TCERG1: variants seen among roughly 807,000 people sequenced by gnomAD.
TCERG1 encodes the protein transcription elongation regulator 1.
A neutral mutation model predicts 144.7 loss-of-function variants in TCERG1; 37 were observed. The ratio of observed to expected loss-of-function variants is 0.26; its 90% CI spans 0.20 to 0.34. The LOEUF is 0.34. Ranked by LOEUF, TCERG1 falls within the 10% of genes least tolerant of loss-of-function variation. The probability of loss-of-function intolerance (pLI) is 1.00; values close to 1 mark genes in which losing one functional copy is unlikely to be tolerated. For synonymous variants in TCERG1, 492 were observed against 458.2 expected (o/e 1.07, Z -0.94); for missense variants, 1,027 against 1,380.7 (o/e 0.74, Z 4.06).
At chr5:146,462,419 GAATA>G (rs1353639723) in intron 4 of TCERG1, among the ~76,000 whole-genome samples, 2 of 152,136 alleles carry the variant, frequency 1.3e-5, no homozygotes, top group African/African-American at 4.8e-5. Flanking sequence ...GATGGGTTAT[GAATA>G]AATAACAAAA....
At chr5:146,477,613 CTG>C (rs1764957591) in intron 9 of TCERG1, among the ~76,000 whole-genome samples, 2 of 149,590 alleles carry the variant, frequency 1.3e-5, no homozygotes, top group African/African-American at 4.9e-5. Context: ...AGTTTTCTAA[CTG>C]TAATTAACAG....
intron 10 of TCERG1, among the ~76,000 whole-genome samples, chr5:146,479,583 T>C (rs1765161705): frequency 6.6e-6 from 1 of 152,224 alleles, no homozygotes; most frequent in African/African-American, 2.4e-5. Context: ...TTAACGTGCA[T>C]TGTTAAAAGG....
In TCERG1 at chr5:146,457,490, A is replaced by C. The variant is rs936950890; in HGVS notation, c.438+155A>C. On this transcript the variant is annotated intron_variant, in intron 3 of 22. Coordinates refer to ENST00000679501, the MANE Select transcript of TCERG1 (RefSeq NM_001382548.1). ...ACTTCAGGAGAAGCTGACTGGATTT[A>C]GTTTTTGTGCAGCAGATATAAGGTT... 3.9e-5 allele frequency among the ~76,000 whole-genome samples: 6 copies of C among 152,246 alleles called. No homozygotes were observed. The South Asian group carries it at 1.2e-3, about 32-fold the overall frequency.
At chr5:146,487,785 A>G (rs1765991491) in intron 15 of TCERG1, among the ~76,000 whole-genome samples, 2 of 152,144 alleles carry the variant, frequency 1.3e-5, no homozygotes, top group African/African-American at 4.8e-5. Flanking sequence ...AAGACTTAAA[A>G]TAGCCAAAGC....
chr5:146,479,739 A>G, intron 10 of TCERG1, 116 bp from the exon 11 acceptor site: 1 of 948,644 alleles, frequency 1.1e-6, no homozygotes, highest in Non-Finnish European at 1.6e-6. Flanking sequence ...TTAATGTTTT[A>G]TAAAGGGATG....
chr5:146,454,866 G>A (rs1762689758), intron 1 of TCERG1, among the ~76,000 whole-genome samples, 190 bp from the exon 2 acceptor site: 1 of 152,158 alleles, frequency 6.6e-6, no homozygotes, highest in African/African-American at 2.4e-5. Flanking sequence ...CCAAAGTGCT[G>A]GGATTACAGA....
At chr5:146,490,824 T>C (rs1326392707) in intron 15 of TCERG1, among the ~76,000 whole-genome samples, 1 of 152,240 alleles carries the variant, frequency 6.6e-6, no homozygotes, top group South Asian at 2.1e-4. Flanking sequence ...TCCTGTTAAT[T>C]ACCTTTGTCT....
intron 16 of TCERG1, among the ~76,000 whole-genome samples, 186 bp downstream of exon 16, chr5:146,493,224 T>G (rs543004461): frequency 5.0e-4 from 76 of 152,212 alleles, no homozygotes; most frequent in African/African-American, 1.8e-3. Flanking sequence ...GAATCCTAAG[T>G]GCTCTAAGAA....
rs1003759523 is a variant in TCERG1 at position 146,508,951 on chromosome 5, C to T, written c.3046-194C>T. 6.6e-5 allele frequency among the ~76,000 whole-genome samples: 10 copies of T among 151,984 alleles called. 1 individual carries two copies. Among genetic ancestry groups the T allele is most frequent in the Admixed American group, 1.3e-4 (2 of 15,246 alleles). ...ATGATTCCTCATTCTTTCTATTTGC[C>T]GCAAAAATGAGCCTTGCAAATTGTG... is the stretch of plus-strand genomic sequence containing the variant. On this transcript the variant is annotated intron_variant, in intron 21 of 22. Transcript: ENST00000679501.
chr5:146,477,814 CAGCCCTG>C (rs1222215620), intron 9 of TCERG1, among the ~76,000 whole-genome samples: 1 of 150,652 alleles, frequency 6.6e-6, no homozygotes, highest in Non-Finnish European at 1.5e-5. Context: ...CCTCCCACCT[CAGCCCTG>C]AGTAGCTGGG....
chr5:146,509,347 T>G, intron 22 of TCERG1, 102 bp downstream of exon 22: 1 of 775,708 alleles, frequency 1.3e-6, no homozygotes, highest in Non-Finnish European at 2.1e-6. Context: ...TTGACATTAT[T>G]AATTTTTAGG....
At chr5:146,485,754 C>T (rs1238203045) in intron 15 of TCERG1, among the ~76,000 whole-genome samples, 7 of 152,048 alleles carry the variant, frequency 4.6e-5, no homozygotes, top group Admixed American at 1.3e-4. Context: ...AGTGCAGTGG[C>T]GCCATCTCAT....
chr5:146,449,547 C>T (rs1762178264), intron 1 of TCERG1, among the ~76,000 whole-genome samples: 2 of 152,180 alleles, frequency 1.3e-5, no homozygotes, highest in Admixed American at 6.5e-5. Flanking sequence ...CCCCATATAT[C>T]GGTAGCATCT....
In TCERG1 at chr5:146,458,587, C is replaced by T. The variant is rs1763037046; in HGVS notation, c.439-297C>T. The stretch of plus-strand genomic sequence containing the variant: ...TCCTGGGTTCAAGTGATTGTTTTGC[C>T]TCAGCCTCCCGAGTAGCTGGGATTA... On this transcript the variant is annotated intron_variant, in intron 3 of 22. Coordinates refer to ENST00000679501, the MANE Select transcript of TCERG1 (RefSeq NM_001382548.1). 2.6e-5 allele frequency among the ~76,000 whole-genome samples: 4 copies of T among 152,246 alleles called. 1 individual carries two copies. In the South Asian group the frequency reaches 8.3e-4, roughly 32 times the overall value.
At chr5:146,454,955 G>T in intron 1 of TCERG1, 101 bp from the exon 2 acceptor site, 2 of 1,286,406 alleles carry the variant, frequency 1.6e-6, no homozygotes, top group Non-Finnish European at 2.2e-6. Flanking sequence ...ACTCCACTTA[G>T]ACTTAAGAAC....
chr5:146,457,179 A>G lies in TCERG1; in HGVS notation c.286-4A>G. ...TGACCATTACTGTTTTTGTGAATTA[A>G]CAGAGACCACCTTTCATGCCTCCTC... On this transcript the variant is annotated splice_polypyrimidine_tract_variant and splice_region_variant and intron_variant, in intron 2 of 22. Coordinates refer to ENST00000679501, the MANE Select transcript of TCERG1 (RefSeq NM_001382548.1). The G allele has an allele frequency of 6.2e-7, 1 of 1,611,528 alleles. No individual in the cohort carries two copies.
At chr5:146,469,936 A>T in intron 7 of TCERG1, 192 bp downstream of exon 7, 1 of 419,486 alleles carries the variant, frequency 2.4e-6, no homozygotes, top group Non-Finnish European at 4.1e-6. Flanking sequence ...GTTTGTCATC[A>T]TTTTTTTCCA....
At chr5:146,484,317 T>C (rs907698151) in intron 15 of TCERG1, among the ~76,000 whole-genome samples, 1 of 152,194 alleles carries the variant, frequency 6.6e-6, no homozygotes, top group Non-Finnish European at 1.5e-5. Flanking sequence ...GATTGCCTCT[T>C]CTAAAGCATT....
chr5:146,506,459 A>T (rs1400866132), intron 19 of TCERG1, among the ~76,000 whole-genome samples: 9 of 152,224 alleles, frequency 5.9e-5, no homozygotes, highest in Admixed American at 5.9e-4. Context: ...GGAATGATTA[A>T]ACCAAAGCTG....
Sources: allele counts gnomAD v4.1 joint callset (sites outside exome capture counted in the v4.1 genomes callset), GRCh38; gene constraint gnomAD v4.1.1; transcripts MANE v1.5; gene names NCBI Gene and HGNC (gene_info 2026-07-23, HGNC 2026-07-21).